Variants in HCRTR2 observed in about 807,000 individuals in gnomAD.
HCRTR2 encodes orexin receptor type 2.
A neutral mutation model predicts 49.0 loss-of-function variants in HCRTR2; 22 were observed. The observed-to-expected ratio is 0.45, with a 90% CI of 0.32 to 0.64. The LOEUF is 0.64. Among genes scored for constraint, HCRTR2 ranks in the 30% least tolerant of loss-of-function variants. The pLI, the probability that HCRTR2 is intolerant of heterozygous loss-of-function variation, is 0.04. For synonymous variants in HCRTR2, 236 were observed against 205.3 expected, an observed-to-expected ratio of 1.15 and a Z score of -1.28; for missense variants, 491 against 559.4, an observed-to-expected ratio of 0.88 and a Z score of 1.23.
At chr6:55,192,532 T>C (rs528425272) in intron 1 of HCRTR2, among the ~76,000 whole-genome samples, 1 of 152,120 alleles carries the variant, frequency 6.6e-6, no homozygotes, top group East Asian at 1.9e-4. Context: ...GAGGCTACAG[T>C]GAGCCGTGAT....
chr6:55,217,702 A>T (rs764265063), intron 1 of HCRTR2, among the ~76,000 whole-genome samples: 23 of 152,304 alleles, frequency 1.5e-4, no homozygotes, highest in Middle Eastern at 3.4e-3. Flanking sequence ...TAAATAATTT[A>T]TAAAATGATT....
intron 1 of HCRTR2, among the ~76,000 whole-genome samples, chr6:55,136,401 C>G (rs1405198703): frequency 2.6e-5 from 4 of 152,060 alleles, no homozygotes; most frequent in Non-Finnish European, 5.9e-5. Context: ...TAACTTTGGT[C>G]TTTTTATTTA....
At chr6:55,283,133 T>C (rs1344429205), downstream of HCRTR2, among the ~76,000 whole-genome samples, 4 of 152,198 alleles carry the variant, frequency 2.6e-5, no homozygotes, top group Admixed American at 1.3e-4. Context: ...TCTAACACTT[T>C]AACATTTAAG....
intron 2 of HCRTR2, among the ~76,000 whole-genome samples, chr6:55,252,906 A>G (rs1766579640): frequency 6.6e-6 from 1 of 152,076 alleles, no homozygotes; most frequent in African/African-American, 2.4e-5. Flanking sequence ...GAAATAGTAA[A>G]CACACAGCAC....
At chr6:55,272,230 A>G (rs535527687) in intron 4 of HCRTR2, among the ~76,000 whole-genome samples, 53 of 152,240 alleles carry the variant, frequency 3.5e-4, no homozygotes, top group Non-Finnish European at 2.9e-5. Flanking sequence ...AATCTTGAAA[A>G]CATACTAAGT....
At chr6:55,151,953 G>A (rs933764103) in intron 1 of HCRTR2, among the ~76,000 whole-genome samples, 1 of 151,852 alleles carries the variant, frequency 6.6e-6, no homozygotes, top group Non-Finnish European at 1.5e-5. Flanking sequence ...TATCTTAAAA[G>A]GAATCTTTTT....
Position 55,280,706 on chromosome 6 carries a change from C to T in HCRTR2, c.1105+262C>T, listed in dbSNP as rs558077398. On this transcript the variant is annotated intron_variant, in intron 6 of 6. Transcript: ENST00000370862. ...TAAACATTCTGAGAAATCAATAACA[C>T]AAAATCTTACATGACATACTTTAAA... 3.9e-5 allele frequency among the ~76,000 whole-genome samples: 6 copies of T among 152,226 alleles called. No individual in the cohort carries two copies. In the South Asian group the frequency reaches 1.2e-3, roughly 32 times the overall value.
intron 1 of HCRTR2, among the ~76,000 whole-genome samples, chr6:55,179,209 G>A (rs1043241085): frequency 3.9e-5 from 6 of 152,020 alleles, no homozygotes; most frequent in Admixed American, 3.3e-4. Context: ...GCCCATTTTA[G>A]TTTCATGGGT....
chr6:55,227,068 C>G (rs868167873), intron 1 of HCRTR2, among the ~76,000 whole-genome samples: 2 of 151,892 alleles, frequency 1.3e-5, no homozygotes, highest in South Asian at 4.1e-4. Context: ...CATAGTAATA[C>G]ATATAATTGA....
intron 1 of HCRTR2, among the ~76,000 whole-genome samples, chr6:55,245,937 G>A (rs1236625628): frequency 1.3e-5 from 2 of 152,070 alleles, no homozygotes; most frequent in African/African-American, 2.4e-5. Context: ...AATTTGATAT[G>A]GTAAAGTCAT....
chr6:55,216,166 C>T (rs61086340), intron 1 of HCRTR2, among the ~76,000 whole-genome samples: 9,516 of 152,234 alleles, frequency 0.063, 511 homozygotes, highest in African/African-American at 0.15. Context: ...GGAAAGCCCT[C>T]ATGACTCAAA....
intron 1 of HCRTR2, among the ~76,000 whole-genome samples, chr6:55,218,175 T>C (rs971457509): frequency 6.6e-5 from 10 of 152,284 alleles, no homozygotes; most frequent in Middle Eastern, 3.4e-3. Flanking sequence ...AGTAAATTAA[T>C]CTATTCATGA....
intron 1 of HCRTR2, among the ~76,000 whole-genome samples, chr6:55,144,806 T>C (rs146555261): frequency 1.4e-4 from 21 of 152,294 alleles, no homozygotes; most frequent in African/African-American, 4.8e-4. Context: ...CTGTGTGCAT[T>C]AGTGGCTTCC....
rs528975555 is a variant in HCRTR2 at position 55,180,573 on chromosome 6, G to T, written c.223+5763G>T. Among the ~76,000 whole-genome samples, 107 of 138,448 alleles carry T rather than the reference G, an allele frequency of 7.7e-4. 3 individuals are homozygous for T. In the South Asian group the frequency reaches 0.018, roughly 24 times the overall value. The allele number at this position is 138,448 out of a possible 152,430, so 90.8% of individuals were successfully genotyped here. On this transcript the variant is annotated intron_variant, in intron 1 of 6. Coordinates refer to ENST00000370862, the MANE Select transcript of HCRTR2 (RefSeq NM_001384272.1). Reference sequence around the variant, plus strand: ...GCCAAAAATGCTTTTACCTGTTCAGGGGGTTGACTCACTGGAAAAAAAATG... The same window carrying T: ...GCCAAAAATGCTTTTACCTGTTCAGTGGGTTGACTCACTGGAAAAAAAATG...
At chr6:55,149,851 C>T (rs1280604088) in intron 1 of HCRTR2, among the ~76,000 whole-genome samples, 1 of 152,006 alleles carries the variant, frequency 6.6e-6, no homozygotes, top group African/African-American at 2.4e-5. Context: ...GCTTTCAGAA[C>T]TTCTGACTGG....
At chr6:55,166,848 A>G (rs2127265362) in intron 1 of HCRTR2, among the ~76,000 whole-genome samples, 1 of 152,302 alleles carries the variant, frequency 6.6e-6, no homozygotes, top group East Asian at 1.9e-4. Context: ...TATCCATATA[A>G]TTAAATACTA....
chr6:55,255,205 C>G lies in HCRTR2; in HGVS notation c.472C>G (p.His158Asp). 6.2e-7 allele frequency: 1 copy of G among 1,614,012 alleles called. No individual in the cohort carries two copies. Among genetic ancestry groups the G allele is most frequent in the East Asian group, 2.2e-5 (1 of 44,872 alleles). ...IALDRWYAIC[H>D]PLMFKSTAKR... is the part of the protein sequence containing the mutation. ...CTTGGATCGGTGGTATGCAATCTGT[C>G]ACCCTTTGATGTTTAAGAGCACAGC... The change falls in exon 3 of 7, where the codon CAC becomes GAC. Residue 158 changes from histidine to aspartate, a missense_variant. Coordinates refer to ENST00000370862, the MANE Select transcript of HCRTR2 (RefSeq NM_001384272.1).
chr6:55,257,844 T>C (rs1481654366), intron 3 of HCRTR2, among the ~76,000 whole-genome samples: 1 of 151,936 alleles, frequency 6.6e-6, no homozygotes, highest in Non-Finnish European at 1.5e-5. Context: ...TTGTAAAGAC[T>C]AAAATTAAGT....
At chr6:55,247,034 T>C (rs969934372) in intron 1 of HCRTR2, among the ~76,000 whole-genome samples, 1 of 152,116 alleles carries the variant, frequency 6.6e-6, no homozygotes, top group Non-Finnish European at 1.5e-5. Context: ...AATATTGTAC[T>C]ATTTGGACAA....
Sources: gnomAD v4.1 joint callset for allele counts (sites outside exome capture counted in the v4.1 genomes callset) on GRCh38, gnomAD v4.1.1 for gene constraint, MANE v1.5 for transcripts, NCBI Gene and HGNC (gene_info 2026-07-23, HGNC 2026-07-21) for gene names.